The following SCN1A variants were observed in gnomAD, a reference collection of about 807,000 sequenced individuals.
SCN1A encodes sodium channel protein type 1 subunit alpha.
A neutral mutation model predicts 193.7 loss-of-function variants in SCN1A; 13 were observed. The observed-to-expected ratio is 0.07, with a 90% confidence interval of 0.04 to 0.11. SCN1A has a LOEUF of 0.11. Ranked by LOEUF, SCN1A falls within the 10% of genes least tolerant of loss-of-function variation. SCN1A has a pLI of 1.00. For missense variants in SCN1A, 1,432 were observed against 2,451.1 expected (o/e 0.58, Z 8.78); for synonymous variants, 781 against 843.6 (o/e 0.93, Z 1.29).
chr2:166,113,509 A>T (rs1435025828), intron 2 of SCN1A, among the ~76,000 whole-genome samples: 5 of 152,194 alleles, frequency 3.3e-5, no homozygotes, highest in Non-Finnish European at 5.9e-5. Context: ...TATTGATTAA[A>T]ATGTTTCCTG....
rs1412117699 is a variant in SCN1A at position 165,992,676 on chromosome 2, G to A, written c.4853-254C>T. 1 of 185,774 alleles carries A rather than the reference G, an allele frequency of 5.4e-6. No individual in the cohort carries two copies. Among genetic ancestry groups the A allele is most frequent in the Non-Finnish European group, 1.1e-5 (1 of 93,998 alleles). The allele number at this position is 185,774 out of a possible 1,614,324, so 11.5% of individuals were successfully genotyped here. A position where few individuals can be genotyped will look rare whatever the true frequency, so the allele number is the denominator to read the frequency against. ...AAGAGATGTTTATAAACTACTTTTA[G>A]TTTATGTAAAGTCCCAAGTCAGAAT... is the stretch of plus-strand genomic sequence containing the variant. On this transcript the variant is annotated intron_variant, in intron 28 of 28. Coordinates refer to ENST00000674923, the MANE Select transcript of SCN1A (RefSeq NM_001165963.4). The surrounding 1 kb of genome is among the most constrained non-coding windows in gnomAD (Gnocchi z 6.5).
chr2:165,991,014 G>C lies in SCN1A; in HGVS notation c.*231C>G, dbSNP rs1208816763. 2 of 522,634 alleles carry C rather than the reference G, an allele frequency of 3.8e-6. No individual in the cohort carries two copies. Among genetic ancestry groups the C allele is most frequent in the Non-Finnish European group, 6.8e-6 (2 of 293,762 alleles). 32.4% of individuals were successfully genotyped at this position (522,634 alleles called of 1,614,324 possible). ...CATTGTGCATCTTATCTTCAGCAGT[G>C]TCAGCTGGTAGTGAGAACAGTAACC... is the stretch of plus-strand genomic sequence containing the variant. On this transcript the variant is annotated 3_prime_UTR_variant, in exon 29 of 29. Coordinates refer to ENST00000674923, the MANE Select transcript of SCN1A (RefSeq NM_001165963.4).
chr2:166,069,100 A>T (rs914505028), intron 4 of SCN1A, among the ~76,000 whole-genome samples: 1 of 152,218 alleles, frequency 6.6e-6, no homozygotes, highest in African/African-American at 2.4e-5. Context: ...TGTGTTCACA[A>T]GCTAAAATGT....
chr2:166,045,390 G>C (rs1325316571), intron 12 of SCN1A, 63 bp from the exon 13 acceptor site: 25 of 1,537,738 alleles, frequency 1.6e-5, no homozygotes, highest in Non-Finnish European at 2.2e-5. Flanking sequence ...CTTTGAAAGG[G>C]CTGAAGTATT....
chr2:166,112,674 C>T (rs891963490), intron 2 of SCN1A, among the ~76,000 whole-genome samples: 3 of 152,074 alleles, frequency 2.0e-5, no homozygotes, highest in African/African-American at 4.8e-5. Flanking sequence ...CATTTTCTGA[C>T]ATAAGAGCTT....
intron 4 of SCN1A, among the ~76,000 whole-genome samples, chr2:166,069,036 A>T (rs1684138941): frequency 6.6e-6 from 1 of 152,214 alleles, no homozygotes; most frequent in African/African-American, 2.4e-5. Flanking sequence ...GTACAAAATC[A>T]GCCCAAGCTA....
At chr2:166,072,123 CAG>C in intron 4 of SCN1A, among the ~76,000 whole-genome samples, 1 of 152,216 alleles carries the variant, frequency 6.6e-6, no homozygotes, top group Non-Finnish European at 1.5e-5. Context: ...GGGCCAGAAA[CAG>C]AGTCCCTAAA....
chr2:166,066,742 C>T (rs572600063), intron 4 of SCN1A, among the ~76,000 whole-genome samples: 1 of 152,246 alleles, frequency 6.6e-6, no homozygotes, highest in African/African-American at 2.4e-5. Flanking sequence ...TCTCCATCTC[C>T]ATTGTCAAAA....
intron 1 of SCN1A, among the ~76,000 whole-genome samples, chr2:166,142,615 A>G (rs552983669): frequency 2.6e-5 from 4 of 152,330 alleles, no homozygotes; most frequent in Admixed American, 2.6e-4. Context: ...TTTCATATGG[A>G]AGGTTGACAC....
At chr2:166,075,488 A>G (rs1269294633) in intron 3 of SCN1A, 1 of 151,994 alleles carries the variant, frequency 6.6e-6, no homozygotes, top group South Asian at 2.1e-4. Context: ...CATTTATCTT[A>G]ATTTTTATAG....
intron 2 of SCN1A, among the ~76,000 whole-genome samples, chr2:166,103,376 G>A (rs544696205): frequency 1.3e-5 from 2 of 151,946 alleles, no homozygotes; most frequent in South Asian, 2.1e-4. Context: ...ACTTGAACCC[G>A]GGAGGTGGAG....
In SCN1A at chr2:166,146,387, A is replaced by T. The variant is rs199680362; in HGVS notation, c.-50+2660T>A. Among the ~76,000 whole-genome samples the T allele has an allele frequency of 3.5e-5, 5 of 141,158 alleles. No homozygotes were observed. In the Admixed American group the frequency reaches 5.5e-4, roughly 16 times the overall value. The allele number at this position is 141,158 out of a possible 152,430, so 92.6% of individuals were successfully genotyped here. A position where few individuals can be genotyped will look rare whatever the true frequency, so the allele number is the denominator to read the frequency against. Reference sequence around the variant, plus strand: ...CTACTTCCAAAAGGATAAATGATATATTTGTTGTATTATTTATTATGATGG... The same window carrying T: ...CTACTTCCAAAAGGATAAATGATATTTTTGTTGTATTATTTATTATGATGG... On this transcript the variant is annotated intron_variant, in intron 1 of 26. Coordinates refer to the SCN1A transcript ENST00000635750.
intron 2 of SCN1A, chr2:166,123,740 T>C (rs897543438): frequency 1.3e-5 from 2 of 152,224 alleles, no homozygotes; most frequent in African/African-American, 4.8e-5. Flanking sequence ...CTTGTTAACA[T>C]TGAATGTTTT....
rs118108200 is a variant in SCN1A, at chr2:166,065,667, A to G, written c.265-6979T>C. Among the ~76,000 whole-genome samples, 204 of 152,166 alleles carry G rather than the reference A, an allele frequency of 1.3e-3. 4 individuals are homozygous for G. In the East Asian group the frequency reaches 0.036, roughly 27 times the overall value. On this transcript the variant is annotated intron_variant, in intron 4 of 28. Coordinates refer to ENST00000674923, the MANE Select transcript of SCN1A (RefSeq NM_001165963.4). ...CCAGTGATAACCAGACTAAACAACA[A>G]TCTGTGTCACTTGCCTACCCGTGGG...
At chr2:166,003,258 TTTAA>T (rs1691188553) in intron 23 of SCN1A, among the ~76,000 whole-genome samples, 1 of 151,584 alleles carries the variant, frequency 6.6e-6, no homozygotes, top group Admixed American at 6.6e-5. Context: ...TATAATTGTC[TTTAA>T]TTATTCATGC....
chr2:166,090,879 G>A (rs1025158441), intron 2 of SCN1A, among the ~76,000 whole-genome samples: 2 of 152,102 alleles, frequency 1.3e-5, no homozygotes, highest in African/African-American at 4.8e-5. Flanking sequence ...TAATCAAATA[G>A]TGCAAAGTTT....
upstream of SCN1A, among the ~76,000 whole-genome samples, chr2:166,132,678 A>G (rs562686946): frequency 1.3e-5 from 2 of 152,298 alleles, no homozygotes; most frequent in Admixed American, 1.3e-4. Flanking sequence ...CAATTTTTTG[A>G]TGGCAAGAAT....
intron 6 of SCN1A, among the ~76,000 whole-genome samples, chr2:166,055,860 C>G (rs370962077): frequency 9.9e-5 from 15 of 152,128 alleles, no homozygotes; most frequent in East Asian, 7.7e-4. Context: ...AAAAGTTCCA[C>G]TTCTGTTAGT....
At chr2:166,126,328 A>C (rs1489831581) in intron 2 of SCN1A, 1 of 152,138 alleles carries the variant, frequency 6.6e-6, no homozygotes, top group African/African-American at 2.4e-5. Context: ...AAAAGCAACA[A>C]TCATAAAAGA....
Sources: gnomAD v4.1 joint callset for allele counts (sites outside exome capture counted in the v4.1 genomes callset) on GRCh38, gnomAD v4.1.1 for gene constraint, Gnocchi (gnomAD v3.1) non-coding constraint, MANE v1.5 for transcripts, NCBI Gene and HGNC (gene_info 2026-07-23, HGNC 2026-07-21) for gene names.